Variants in AKAP6 observed in about 807,000 individuals in gnomAD.
AKAP6 encodes A-kinase anchoring protein 6.
A neutral mutation model predicts 188.5 loss-of-function variants in AKAP6; 58 were observed. The observed-to-expected ratio is 0.31, with a 90% CI of 0.25 to 0.38. The LOEUF (loss-of-function observed/expected upper bound fraction) is 0.38. Ranked by LOEUF, AKAP6 falls within the 10% of genes least tolerant of loss-of-function variation. The pLI is 1.00. For synonymous variants in AKAP6, 989 were observed against 998.6 expected (o/e 0.99, Z 0.18); for missense variants, 2,710 against 2,740.0 (o/e 0.99, Z 0.24).
intron 12 of AKAP6, among the ~76,000 whole-genome samples, chr14:32,799,763 T>G (rs1433509936): frequency 6.6e-6 from 1 of 152,172 alleles, no homozygotes. Context: ...AATATGAACT[T>G]GAGAAAAATG....
chr14:32,419,953 T>G (rs1889785964), intron 1 of AKAP6, among the ~76,000 whole-genome samples: 1 of 152,160 alleles, frequency 6.6e-6, no homozygotes, highest in Admixed American at 6.5e-5. Context: ...AAGTAGATTT[T>G]GGAACTAATG....
At chr14:32,811,810 G>T (rs1348715677) in intron 12 of AKAP6, among the ~76,000 whole-genome samples, 1 of 152,098 alleles carries the variant, frequency 6.6e-6, no homozygotes, top group East Asian at 1.9e-4. Context: ...TGTTGGCAAA[G>T]CTCTCCTTGT....
chr14:32,596,402 T>G (rs145661405), intron 5 of AKAP6, among the ~76,000 whole-genome samples: 24 of 152,318 alleles, frequency 1.6e-4, no homozygotes, highest in African/African-American at 4.8e-4. Flanking sequence ...TCCAGATATA[T>G]GCAAGCTGGT....
intron 5 of AKAP6, among the ~76,000 whole-genome samples, chr14:32,582,642 T>A (rs1885031267): frequency 6.6e-6 from 1 of 152,224 alleles, no homozygotes; most frequent in Non-Finnish European, 1.5e-5. Context: ...GACGTAGATT[T>A]GGTCTTTTCA....
intron 3 of AKAP6, 76 bp downstream of exon 3, chr14:32,535,881 A>G (rs1338646539): frequency 2.0e-6 from 3 of 1,532,642 alleles, no homozygotes; most frequent in Non-Finnish European, 2.6e-6. Flanking sequence ...TTAGAGATGT[A>G]GGATAGGAAT....
At chr14:32,698,206 T>C (rs1594858894) in intron 9 of AKAP6, among the ~76,000 whole-genome samples, 1 of 152,086 alleles carries the variant, frequency 6.6e-6, no homozygotes, top group Non-Finnish European at 1.5e-5. Context: ...TTAGAAAAAT[T>C]GATGAGAAGA....
intron 9 of AKAP6, among the ~76,000 whole-genome samples, chr14:32,731,849 G>A (rs2031190986): frequency 6.6e-6 from 1 of 152,014 alleles, no homozygotes; most frequent in Non-Finnish European, 1.5e-5. Context: ...GGGGGAGAGG[G>A]TTCTGTAGTC....
At chr14:32,811,022 G>A (rs1036621667) in intron 12 of AKAP6, among the ~76,000 whole-genome samples, 7 of 151,986 alleles carry the variant, frequency 4.6e-5, no homozygotes, top group East Asian at 1.9e-4. Context: ...GGCAGATCAC[G>A]AGGTCAGGAG....
At chr14:32,688,810 C>T (rs1230233982) in intron 8 of AKAP6, among the ~76,000 whole-genome samples, 1 of 152,188 alleles carries the variant, frequency 6.6e-6, no homozygotes, top group African/African-American at 2.4e-5. Context: ...AAGCATAGCA[C>T]TCTCTGGGTA....
chr14:32,782,094 G>C (rs1566707407), intron 12 of AKAP6, among the ~76,000 whole-genome samples: 1 of 151,384 alleles, frequency 6.6e-6, no homozygotes, highest in Non-Finnish European at 1.5e-5. Context: ...CAACCTGGGT[G>C]GTGGAGGTTG....
At chr14:32,683,067 C>T (rs543250911) in intron 8 of AKAP6, among the ~76,000 whole-genome samples, 1 of 150,340 alleles carries the variant, frequency 6.7e-6, no homozygotes, top group African/African-American at 2.5e-5. Context: ...GATCTTGGCT[C>T]ACCGCAACCT....
At chr14:32,707,839 C>T (rs1192064236) in intron 9 of AKAP6, among the ~76,000 whole-genome samples, 1 of 151,988 alleles carries the variant, frequency 6.6e-6, no homozygotes, top group African/African-American at 2.4e-5. Flanking sequence ...CTGGCAAAAC[C>T]AAAGTGCAGT....
intron 2 of AKAP6, among the ~76,000 whole-genome samples, chr14:32,514,202 T>C (rs1288978496): frequency 6.6e-6 from 1 of 152,238 alleles, no homozygotes; most frequent in Admixed American, 6.5e-5. Flanking sequence ...TATCTAATTT[T>C]CAGAACCTTA....
In AKAP6 at chr14:32,829,434, T is replaced by C. The variant is rs114948269; in HGVS notation, c.*43-414T>C. ...TGAGAGCCTATCAGCTCCCAGTCTG[T>C]GGAATCATTGTACATTGTAAATATT... On this transcript the variant is annotated intron_variant, in intron 13 of 13. Coordinates refer to ENST00000280979, the MANE Select transcript of AKAP6 (RefSeq NM_004274.5). 5.4e-3 allele frequency among the ~76,000 whole-genome samples: 827 copies of C among 152,324 alleles called. 12 individuals carry two copies. Among genetic ancestry groups the C allele is most frequent in the African/African-American group, 0.019 (782 of 41,566 alleles).
intron 2 of AKAP6, among the ~76,000 whole-genome samples, chr14:32,485,458 A>AT (rs1325763164): frequency 6.6e-6 from 1 of 152,162 alleles, no homozygotes; most frequent in Non-Finnish European, 1.5e-5. Context: ...ATTTCTCCAT[A>AT]GCCTCACCAG....
chr14:32,558,664 A>T (rs922989849), intron 4 of AKAP6, among the ~76,000 whole-genome samples: 1 of 152,212 alleles, frequency 6.6e-6, no homozygotes, highest in African/African-American at 2.4e-5. Context: ...CCCAAAATAC[A>T]ATAAGATAGA....
chr14:32,460,895 C>T (rs1435948475), intron 2 of AKAP6, among the ~76,000 whole-genome samples: 1 of 152,214 alleles, frequency 6.6e-6, no homozygotes, highest in Non-Finnish European at 1.5e-5. Flanking sequence ...GAGGGGCATC[C>T]ACCATTACTG....
At chr14:32,670,096 CA>C (rs35146450) in intron 7 of AKAP6, among the ~76,000 whole-genome samples, 1,078 of 54,784 alleles carry the variant, frequency 0.02, 7 homozygotes, top group African/African-American at 0.038. Flanking sequence ...GACTCTGTCT[CA>C]AAAAAAAAAA....
chr14:32,765,123 C>T (rs568104032), intron 11 of AKAP6, among the ~76,000 whole-genome samples: 22 of 151,806 alleles, frequency 1.4e-4, no homozygotes, highest in African/African-American at 4.6e-4. Context: ...ATGGTAGAGA[C>T]GGGGTTTCAC....
Sources: allele counts gnomAD v4.1 joint callset (sites outside exome capture counted in the v4.1 genomes callset), GRCh38; gene constraint gnomAD v4.1.1; transcripts MANE v1.5; gene names NCBI Gene and HGNC (gene_info 2026-07-23, HGNC 2026-07-21).